Variants in ACVR1C observed in about 807,000 individuals in gnomAD.
ACVR1C encodes activin A receptor type 1C.
A neutral mutation model predicts 57.9 loss-of-function variants in ACVR1C; 23 were observed. The ratio of observed to expected loss-of-function variants is 0.40; its 90% CI spans 0.29 to 0.56. The LOEUF is 0.56. Ranked by LOEUF, ACVR1C falls within the 20% of genes least tolerant of loss-of-function variation. The pLI, the probability that ACVR1C is intolerant of heterozygous loss-of-function variation, is 0.50. For synonymous variants in ACVR1C, 214 were observed against 215.3 expected (o/e 0.99, Z 0.05); for missense variants, 480 against 607.9 (o/e 0.79, Z 2.21).
rs1485865548 is a variant in ACVR1C, at chr2:157,577,055, C to T, written c.304+10132G>A. Reference sequence around the variant, plus strand: ...ATTTTTTAGTAGAGACGGGGTTTCACCTTGTTAGCCAGGATGGTCTCGATC... The same window carrying T: ...ATTTTTTAGTAGAGACGGGGTTTCATCTTGTTAGCCAGGATGGTCTCGATC... On this transcript the variant is annotated intron_variant, in intron 2 of 8. Transcript: ENST00000243349. Among the ~76,000 whole-genome samples, 33 of 51,134 alleles carry T rather than the reference C, an allele frequency of 6.5e-4. 10 individuals are homozygous for T. Among genetic ancestry groups the T allele is most frequent in the Admixed American group, 4.2e-3 (22 of 5,232 alleles). The allele number at this position is 51,134 out of a possible 152,430, so 33.5% of individuals were successfully genotyped here.
chr2:157,538,707 T>G lies in ACVR1C; in HGVS notation c.1226-4A>C. The G allele has an allele frequency of 6.8e-7, 1 of 1,467,150 alleles. No individual in the cohort carries two copies. Among genetic ancestry groups the G allele is most frequent in the Non-Finnish European group, 9.0e-7 (1 of 1,108,972 alleles). 90.9% of individuals were successfully genotyped at this position (1,467,150 alleles called of 1,614,324 possible). ...AATTGGTACTCCTCAACAATTCCTG[T>G]AAGAAATTTGTATAATAAATTTCCA... On this transcript the variant is annotated splice_polypyrimidine_tract_variant and splice_region_variant and intron_variant, in intron 7 of 8. Transcript: ENST00000243349.
At chr2:157,625,819 T>C (rs1682883913) in intron 1 of ACVR1C, among the ~76,000 whole-genome samples, 2 of 152,172 alleles carry the variant, frequency 1.3e-5, no homozygotes, top group African/African-American at 4.8e-5. Flanking sequence ...AAATCACAGC[T>C]TCAAAGTAGA....
chr2:157,611,277 C>CT (rs957865203), intron 1 of ACVR1C, among the ~76,000 whole-genome samples: 6 of 152,118 alleles, frequency 3.9e-5, no homozygotes, highest in African/African-American at 1.4e-4. Flanking sequence ...CTCTGTATGA[C>CT]TTTTTTGCAG....
intron 1 of ACVR1C, among the ~76,000 whole-genome samples, chr2:157,618,554 C>A (rs529675794): frequency 1.3e-5 from 2 of 150,882 alleles, no homozygotes; most frequent in Admixed American, 1.3e-4. Flanking sequence ...TATAAGAAAC[C>A]CAATTTAAAT....
In ACVR1C at chr2:157,541,658, A is replaced by G. The variant is rs1304886000; in HGVS notation, c.1101-444T>C. ...CTGATGTGGGGATAATCAGATGGGC[A>G]AGGTAAGGCTTTTCTTGTATAGGGA... On this transcript the variant is annotated intron_variant, in intron 6 of 8. Coordinates refer to ENST00000243349, the MANE Select transcript of ACVR1C (RefSeq NM_145259.3). Among the ~76,000 whole-genome samples, 3 of 152,170 alleles carry G rather than the reference A, an allele frequency of 2.0e-5. No individual in the cohort carries two copies. In the East Asian group the frequency reaches 5.8e-4, roughly 29 times the overall value.
intron 2 of ACVR1C, among the ~76,000 whole-genome samples, chr2:157,577,091 A>G (rs1308573898): frequency 2.3e-5 from 1 of 43,098 alleles, no homozygotes. Context: ...TCCTGACCTC[A>G]TGATCCACCC....
rs754141883 is a variant in ACVR1C, at chr2:157,533,970, C to T, written c.1430G>A (p.Arg477His). ...ANGAARLTAL[R>H]IKKTISQLCV... Reference sequence around the variant, plus strand: ...AAGTTGAGATATAGTCTTCTTAATACGAAGAGCAGTTAGGCGGGCCGCTCC... The same window carrying T: ...AAGTTGAGATATAGTCTTCTTAATATGAAGAGCAGTTAGGCGGGCCGCTCC... The change falls in exon 9 of 9, where the codon CGT becomes CAT. Residue 477 changes from arginine (R) to histidine (H), a missense_variant. Physicochemically the swap from Arg to His is conservative, Grantham distance 29 (BLOSUM62 0). Coordinates refer to ENST00000243349, the MANE Select transcript of ACVR1C (RefSeq NM_145259.3). 5.6e-6 allele frequency: 9 copies of T among 1,594,448 alleles called. No homozygotes were observed. Among genetic ancestry groups the T allele is most frequent in the African/African-American group, 1.4e-5 (1 of 73,276 alleles).
At chr2:157,558,622 G>A (rs1177842144) in intron 2 of ACVR1C, among the ~76,000 whole-genome samples, 1 of 152,186 alleles carries the variant, frequency 6.6e-6, no homozygotes, top group African/African-American at 2.4e-5. Context: ...AATTTTAACT[G>A]ATTACCAACT....
At chr2:157,584,546 T>C (rs1334779779) in intron 2 of ACVR1C, among the ~76,000 whole-genome samples, 5 of 152,108 alleles carry the variant, frequency 3.3e-5, no homozygotes, top group African/African-American at 1.2e-4. Context: ...AAAATACCAA[T>C]ACAAAAACCA....
chr2:157,577,252 T>C (rs1024558492), intron 2 of ACVR1C, among the ~76,000 whole-genome samples: 9 of 152,192 alleles, frequency 5.9e-5, no homozygotes, highest in African/African-American at 2.2e-4. Context: ...TAAATTATAA[T>C]TTTCTAAAAA....
At chr2:157,543,654 T>C (rs1049217319) in intron 5 of ACVR1C, among the ~76,000 whole-genome samples, 14 of 152,224 alleles carry the variant, frequency 9.2e-5, no homozygotes, top group African/African-American at 3.4e-4. Context: ...TGAGTTCAAA[T>C]GTGAGAACCA....
intron 2 of ACVR1C, among the ~76,000 whole-genome samples, chr2:157,576,270 A>G (rs996637356): frequency 7.0e-6 from 1 of 143,014 alleles, no homozygotes; most frequent in Non-Finnish European, 1.5e-5. Context: ...CAATGGCGCA[A>G]TCTCAGCTCA....
rs759802690 is a variant in ACVR1C at position 157,556,296 on chromosome 2, A to T, written c.341T>A (p.Leu114Gln). 1 of 1,614,228 alleles carries T rather than the reference A, an allele frequency of 6.2e-7. No homozygotes were observed. The highest frequency in any genetic ancestry group is 8.5e-7 in the Non-Finnish European group (1 of 1,180,040). The stretch of plus-strand genomic sequence containing the variant: ...AACAGGCACAGTAATAATGATGGCC[A>T]GCTCCATGGGTCCAAGTTTTGGGGC... ...PNAPKLGPMELAIIITVPVCL... is the reference protein window; with the variant it reads ...PNAPKLGPMEQAIIITVPVCL... Residue 114 changes from leucine to glutamine, a missense_variant, in exon 3 of 9, where the codon CTG becomes CAG. By Grantham distance (113) the Leu-to-Gln change is moderately radical. Transcript: ENST00000243349.
chr2:157,619,160 C>T (rs1251006498), intron 1 of ACVR1C, among the ~76,000 whole-genome samples: 1 of 151,146 alleles, frequency 6.6e-6, no homozygotes, highest in Admixed American at 6.6e-5. Flanking sequence ...ATAAAACAAA[C>T]ACAAATGAAT....
In ACVR1C at chr2:157,563,025, C is replaced by G. The variant is rs187579378; in HGVS notation, c.305-6693G>C. ...CACAGCCAATATCATACTGAATGGGCAAAAGCTGAAAGCATTCCCTTTGAA... is the reference window on the plus strand; with the variant it reads ...CACAGCCAATATCATACTGAATGGGGAAAAGCTGAAAGCATTCCCTTTGAA... On this transcript the variant is annotated intron_variant, in intron 2 of 8. Coordinates refer to ENST00000243349, the MANE Select transcript of ACVR1C (RefSeq NM_145259.3). Among the ~76,000 whole-genome samples the G allele has an allele frequency of 1.8e-3, 267 of 152,218 alleles. 7 individuals carry two copies. The East Asian group carries it at 0.043, about 24-fold the overall frequency.
intron 4 of ACVR1C, among the ~76,000 whole-genome samples, chr2:157,546,554 CT>C (rs1553480449): frequency 6.6e-6 from 1 of 151,938 alleles, no homozygotes; most frequent in African/African-American, 2.4e-5. Flanking sequence ...TGTCTTAACC[CT>C]TTTTTAGATT....
chr2:157,597,196 C>A (rs1435480269), intron 1 of ACVR1C, among the ~76,000 whole-genome samples: 1 of 152,202 alleles, frequency 6.6e-6, no homozygotes, highest in Non-Finnish European at 1.5e-5. Flanking sequence ...GGAAATACCT[C>A]CTGCTGCGAC....
chr2:157,532,344 A>AT lies in ACVR1C; in HGVS notation c.*1573_*1574insA. On this transcript the variant is annotated 3_prime_UTR_variant, in exon 9 of 9. Coordinates refer to ENST00000243349, the MANE Select transcript of ACVR1C (RefSeq NM_145259.3). ...ATCTGAGCAATCCAGTTTAAAAAAA[A>AT]ATCAAGTAGCATTTCTTTACTGTTA... is the stretch of plus-strand genomic sequence containing the variant. 6.6e-6 allele frequency: 1 copy of AT among 152,066 alleles called. No homozygotes were observed. The highest frequency in any genetic ancestry group is 6.6e-5 in the Admixed American group (1 of 15,238). The allele number at this position is 152,066 out of a possible 1,614,324, so 9.4% of individuals were successfully genotyped here.
intron 3 of ACVR1C, 53 bp from the exon 4 acceptor site, chr2:157,550,445 C>G: frequency 6.6e-7 from 1 of 1,505,482 alleles, no homozygotes; most frequent in African/African-American, 1.4e-5. Flanking sequence ...CAGAAAAGAA[C>G]TCTCAATAAT....
Sources: allele counts gnomAD v4.1 joint callset (sites outside exome capture counted in the v4.1 genomes callset), GRCh38; gene constraint gnomAD v4.1.1; transcripts MANE v1.5; gene names NCBI Gene and HGNC (gene_info 2026-07-23, HGNC 2026-07-21).